CA10: variants seen among roughly 807,000 people sequenced by gnomAD.
CA10 encodes carbonic anhydrase-related protein 10.
Under a neutral mutation model 44.2 loss-of-function variants are expected in CA10, and 14 were observed. That is an observed-to-expected ratio of 0.32 (90% confidence interval 0.21 to 0.50). The LOEUF is 0.50. Ranked by LOEUF, CA10 falls within the 20% of genes least tolerant of loss-of-function variation. The pLI is 0.99. For synonymous variants in CA10, 159 were observed against 141.6 expected (o/e 1.12, Z -0.87); for missense variants, 350 against 409.7 (o/e 0.85, Z 1.26).
intron 1 of CA10, among the ~76,000 whole-genome samples, chr17:52,092,521 C>T (rs894932534): frequency 6.6e-6 from 1 of 152,068 alleles, no homozygotes; most frequent in Non-Finnish European, 1.5e-5. Context: ...GCAGAGTGCA[C>T]CTTCTCCGTG....
intron 1 of CA10, among the ~76,000 whole-genome samples, chr17:52,084,344 T>C (rs1223346373): frequency 6.6e-6 from 1 of 152,184 alleles, no homozygotes; most frequent in Non-Finnish European, 1.5e-5. Context: ...AGTTTTGTCC[T>C]TCATTCTGAT....
intron 2 of CA10, among the ~76,000 whole-genome samples, chr17:52,032,831 T>C (rs150615339): frequency 6.6e-6 from 1 of 152,292 alleles, no homozygotes; most frequent in Non-Finnish European, 1.5e-5. Flanking sequence ...CAATAAAGCC[T>C]ATAAGGGTCA....
chr17:52,093,034 G>GA (rs1335007828), intron 1 of CA10, among the ~76,000 whole-genome samples: 4 of 151,684 alleles, frequency 2.6e-5, no homozygotes, highest in East Asian at 1.9e-4. Flanking sequence ...ATGTTGACGA[G>GA]AAAAAAAATT....
At chr17:51,744,590 G>A (rs1331088323) in intron 4 of CA10, among the ~76,000 whole-genome samples, 3 of 152,062 alleles carry the variant, frequency 2.0e-5, no homozygotes, top group Non-Finnish European at 4.4e-5. Flanking sequence ...TTCAGCCTGG[G>A]TAACAGAGTA....
At chr17:51,947,224 C>CAAAAAAAAAAAAA (rs1198796736) in intron 2 of CA10, among the ~76,000 whole-genome samples, 3 of 52,118 alleles carry the variant, frequency 5.8e-5, no homozygotes, top group Non-Finnish European at 7.3e-5. Context: ...TCTTCATGTG[C>CAAAAAAAAAAAAA]AAAAAAAAAA....
At chr17:52,024,511 T>C (rs1392764240) in intron 2 of CA10, among the ~76,000 whole-genome samples, 1 of 110,944 alleles carries the variant, frequency 9.0e-6, no homozygotes, top group African/African-American at 3.5e-5. Context: ...CAGTGGGGGG[T>C]GGGAGGGGGT....
intron 2 of CA10, among the ~76,000 whole-genome samples, chr17:52,051,509 A>G (rs931348739): frequency 1.3e-5 from 2 of 152,110 alleles, no homozygotes; most frequent in African/African-American, 4.8e-5. Flanking sequence ...GACAGAAGAC[A>G]TATATGCAGC....
At chr17:51,715,168 A>T (rs1916060411) in intron 4 of CA10, among the ~76,000 whole-genome samples, 1 of 152,052 alleles carries the variant, frequency 6.6e-6, no homozygotes, top group Non-Finnish European at 1.5e-5. Context: ...TTGAACAATG[A>T]GAACACATGG....
intron 3 of CA10, among the ~76,000 whole-genome samples, chr17:51,830,146 G>A (rs1908180013): frequency 7.1e-6 from 1 of 141,482 alleles, no homozygotes; most frequent in South Asian, 2.2e-4. Context: ...GCAGTGAGCT[G>A]AGATTGCGCC....
In CA10 at chr17:51,956,198, C is replaced by T. The variant is rs540399765; in HGVS notation, c.137-25066G>A. 1.9e-3 allele frequency among the ~76,000 whole-genome samples: 285 copies of T among 152,046 alleles called. 2 individuals are homozygous for T. The highest frequency in any genetic ancestry group is 3.4e-3 in the Middle Eastern group (1 of 294). The stretch of plus-strand genomic sequence containing the variant: ...TTTTTTTTAAAGATATAAAACAATA[C>T]TTGGTTCTCCATGTAAGTCTCCTTG... On this transcript the variant is annotated intron_variant, in intron 2 of 8. Transcript: ENST00000451037.
At chr17:51,679,688 T>G (rs573638812) in intron 4 of CA10, among the ~76,000 whole-genome samples, 4 of 151,970 alleles carry the variant, frequency 2.6e-5, no homozygotes, top group African/African-American at 7.2e-5. Flanking sequence ...GCCTCCCAAA[T>G]GGAGACTCCG....
At chr17:51,989,706 ATCTGTT>A (rs1984973746) in intron 2 of CA10, among the ~76,000 whole-genome samples, 1 of 152,098 alleles carries the variant, frequency 6.6e-6, no homozygotes, top group Non-Finnish European at 1.5e-5. Context: ...CAGGAACAGA[ATCTGTT>A]TCTAACAAGC....
chr17:51,684,791 C>A (rs992537851), intron 4 of CA10, among the ~76,000 whole-genome samples: 5 of 152,152 alleles, frequency 3.3e-5, no homozygotes, highest in African/African-American at 1.2e-4. Flanking sequence ...TAAATGGATT[C>A]TTTGATTATA....
chr17:51,903,528 CCA>C (rs1472285458), intron 3 of CA10, among the ~76,000 whole-genome samples: 2 of 152,246 alleles, frequency 1.3e-5, no homozygotes, highest in African/African-American at 4.8e-5. Flanking sequence ...GCAATCATAT[CCA>C]CAGTGTTCAT....
At chr17:52,116,649 C>T (rs1300141048) in intron 1 of CA10, among the ~76,000 whole-genome samples, 1 of 152,154 alleles carries the variant, frequency 6.6e-6, no homozygotes, top group African/African-American at 2.4e-5. Context: ...GAGAAAGGGA[C>T]CAGGGGTGCC....
chr17:52,121,886 T>C (rs568729081), intron 1 of CA10, among the ~76,000 whole-genome samples: 4 of 152,304 alleles, frequency 2.6e-5, no homozygotes, highest in Non-Finnish European at 2.9e-5. Flanking sequence ...AGCTGATCAT[T>C]AGGAGCCTTG....
intron 2 of CA10, among the ~76,000 whole-genome samples, chr17:51,937,390 CTGATT>C (rs1332614239): frequency 2.6e-5 from 4 of 152,162 alleles, no homozygotes; most frequent in Non-Finnish European, 5.9e-5. Context: ...TGGTCTGTTT[CTGATT>C]TGATTTATTT....
At chr17:51,632,396 T>C (rs1373797121) in intron 8 of CA10, among the ~76,000 whole-genome samples, 2 of 152,100 alleles carry the variant, frequency 1.3e-5, no homozygotes, top group African/African-American at 4.8e-5. Flanking sequence ...GGAAAATATG[T>C]AGTTTGGGCA....
At chr17:52,030,160 G>A (rs1028827539) in intron 2 of CA10, among the ~76,000 whole-genome samples, 5 of 152,158 alleles carry the variant, frequency 3.3e-5, no homozygotes, top group African/African-American at 1.2e-4. Context: ...ACAGGGACTG[G>A]CTCCTGGTAA....
Sources: gnomAD v4.1 joint callset for allele counts (sites outside exome capture counted in the v4.1 genomes callset) on GRCh38, gnomAD v4.1.1 for gene constraint, MANE v1.5 for transcripts, NCBI Gene and HGNC (gene_info 2026-07-23, HGNC 2026-07-21) for gene names.